RPP30: variants seen among roughly 807,000 people sequenced by gnomAD.
The protein encoded by RPP30 is ribonuclease P protein subunit p30.
In RPP30, 36 loss-of-function variants were observed where a neutral mutation model predicts 38.6. The observed-to-expected ratio is 0.93, with a 90% CI of 0.71 to 1.23. The LOEUF (loss-of-function observed/expected upper bound fraction) is 1.23, where lower values mean the gene tolerates loss of function less well. Among genes scored for constraint, RPP30 ranks in the 50% most tolerant of loss-of-function variants. The pLI, the probability that RPP30 is intolerant of heterozygous loss-of-function variation, is 0.00. For missense variants in RPP30, 321 were observed against 321.7 expected (o/e 1.00, Z 0.02); for synonymous variants, 126 against 112.7 (o/e 1.12, Z -0.75).
chr10:90,907,664 C>G (rs779814698), downstream of RPP30, among the ~76,000 whole-genome samples: 5 of 152,200 alleles, frequency 3.3e-5, no homozygotes, highest in Non-Finnish European at 5.9e-5. Flanking sequence ...TTCTCATATC[C>G]TTGCTGTATT....
intron 4 of RPP30, among the ~76,000 whole-genome samples, chr10:90,878,406 A>G (rs1175660172): frequency 6.6e-6 from 1 of 152,164 alleles, no homozygotes; most frequent in Non-Finnish European, 1.5e-5. Flanking sequence ...CAGAGATTGT[A>G]TGTTTGTGTA....
chr10:90,907,455 T>C (rs1018353849), downstream of RPP30, among the ~76,000 whole-genome samples: 6 of 152,276 alleles, frequency 3.9e-5, no homozygotes, highest in African/African-American at 1.2e-4. Context: ...TTCAAACCAT[T>C]CTCACAACTC....
downstream of RPP30, among the ~76,000 whole-genome samples, chr10:90,902,750 A>T (rs776013420): frequency 6.6e-6 from 1 of 152,206 alleles, no homozygotes; most frequent in Non-Finnish European, 1.5e-5. Context: ...ATTAAATGTG[A>T]TGGCTCCAAA....
At chr10:90,881,902 A>G (rs1477443855) in intron 5 of RPP30, among the ~76,000 whole-genome samples, 1 of 152,168 alleles carries the variant, frequency 6.6e-6, no homozygotes, top group Non-Finnish European at 1.5e-5. Flanking sequence ...TTATGTCAAT[A>G]GTAGTATAAA....
chr10:90,878,980 T>C, intron 4 of RPP30, 83 bp from the exon 5 acceptor site: 1 of 1,144,404 alleles, frequency 8.7e-7, no homozygotes, highest in South Asian at 1.3e-5. Context: ...ATGATTGAAA[T>C]ATAAGTGTGA....
intron 6 of RPP30, among the ~76,000 whole-genome samples, chr10:90,891,737 A>G (rs149553379): frequency 7.2e-5 from 11 of 152,374 alleles, no homozygotes; most frequent in African/African-American, 2.4e-4. Context: ...GAAAAATAGT[A>G]TCTCTTCGTA....
chr10:90,880,500 G>A lies in RPP30; in HGVS notation c.342+1366G>A, dbSNP rs781697965. ...CCTAGCACTTTGGGAGGCCGAGGCA[G>A]GTGGATCACTTGAGGTCAGGAGTTC... On this transcript the variant is annotated intron_variant, in intron 5 of 10. Transcript: ENST00000371703. 1.5e-4 allele frequency among the ~76,000 whole-genome samples: 23 copies of A among 152,146 alleles called. 1 individual carries two copies. The highest frequency in any genetic ancestry group is 2.6e-4 in the Non-Finnish European group (18 of 68,028).
At chr10:90,872,933 A>C (rs753002488) in intron 1 of RPP30, among the ~76,000 whole-genome samples, 1 of 152,200 alleles carries the variant, frequency 6.6e-6, no homozygotes, top group Non-Finnish European at 1.5e-5. Flanking sequence ...TCTCTGTGGT[A>C]CTTTGCTCAT....
chr10:90,876,471 G>C (rs1458205954), intron 4 of RPP30, among the ~76,000 whole-genome samples: 5 of 152,172 alleles, frequency 3.3e-5, no homozygotes. Flanking sequence ...CAAATGTAAG[G>C]AATGTTCCAA....
At chr10:90,890,218 C>G (rs1847060018) in intron 6 of RPP30, among the ~76,000 whole-genome samples, 1 of 152,174 alleles carries the variant, frequency 6.6e-6, no homozygotes, top group African/African-American at 2.4e-5. Flanking sequence ...CAGCAGAACT[C>G]TTTGTTAAGC....
rs531760764 is a variant in RPP30 at position 90,876,247 on chromosome 10, T to G, written c.270+149T>G. On this transcript the variant is annotated intron_variant, in intron 4 of 10. Transcript: ENST00000371703. ...TGCTTGCTCTCCTTGTCCTCAGAAT[T>G]CACACAGTGTAATATGTCTGTTCCA... The G allele has an allele frequency of 8.4e-6, 5 of 593,690 alleles. No individual in the cohort carries two copies. The Admixed American group carries it at 1.4e-4, about 17-fold the overall frequency. 36.8% of individuals were successfully genotyped at this position (593,690 alleles called of 1,614,324 possible).
chr10:90,889,575 C>T (rs891444368), intron 6 of RPP30, among the ~76,000 whole-genome samples: 2 of 151,942 alleles, frequency 1.3e-5, no homozygotes, highest in Admixed American at 1.3e-4. Context: ...GGCCAGGATA[C>T]TTTAAATTAA....
intron 6 of RPP30, among the ~76,000 whole-genome samples, chr10:90,886,143 G>A (rs1846997565): frequency 1.3e-5 from 2 of 152,012 alleles, no homozygotes; most frequent in Admixed American, 1.3e-4. Flanking sequence ...AATTTATAAA[G>A]GATATTTCTT....
chr10:90,875,666 G>A (rs377631821), intron 3 of RPP30, 52 bp downstream of exon 3: 58 of 1,464,104 alleles, frequency 4.0e-5, no homozygotes, highest in Middle Eastern at 1.7e-4. Flanking sequence ...CAGTTAAAAG[G>A]TACCTAATTA....
At chr10:90,889,105 G>A (rs1428337772) in intron 6 of RPP30, among the ~76,000 whole-genome samples, 2 of 152,110 alleles carry the variant, frequency 1.3e-5, no homozygotes, top group African/African-American at 4.8e-5. Flanking sequence ...AATAGTTGTG[G>A]CATAGGTATG....
rs1267291558 is a variant in RPP30, at chr10:90,885,664, A to T, written c.343-148A>T. The T allele has an allele frequency of 8.0e-6, 5 of 621,354 alleles. No homozygotes were observed. In the Admixed American group the frequency reaches 1.7e-4, roughly 21 times the overall value. 38.5% of individuals were successfully genotyped at this position (621,354 alleles called of 1,614,324 possible). On this transcript the variant is annotated intron_variant, in intron 5 of 10. Transcript: ENST00000371703. Reference sequence around the variant, plus strand: ...ACCTAAAAGAGTAGCAAAACAGTTGACTTTGTAAAAGGTCAGATGTATTTC... The same window carrying T: ...ACCTAAAAGAGTAGCAAAACAGTTGTCTTTGTAAAAGGTCAGATGTATTTC...
chr10:90,898,477 G>A (rs1453973828), intron 10 of RPP30, among the ~76,000 whole-genome samples: 1 of 152,150 alleles, frequency 6.6e-6, no homozygotes, highest in Non-Finnish European at 1.5e-5. Context: ...AAAGGATTCT[G>A]AGACAAGGAA....
At chr10:90,872,133 G>A (rs1332521192) in intron 1 of RPP30, 65 bp downstream of exon 1, 1 of 1,359,788 alleles carries the variant, frequency 7.4e-7, no homozygotes, top group Non-Finnish European at 1.1e-6. Context: ...CCACACTCCG[G>A]AGTAACTATT....
At chr10:90,875,898 A>G (rs1358732601) in intron 3 of RPP30, 126 bp from the exon 4 acceptor site, 2 of 640,712 alleles carry the variant, frequency 3.1e-6, no homozygotes, top group East Asian at 2.7e-5. Flanking sequence ...GAGAACAAGG[A>G]CTGGGTTTTA....
Sources: allele counts gnomAD v4.1 joint callset (sites outside exome capture counted in the v4.1 genomes callset), GRCh38; gene constraint gnomAD v4.1.1; transcripts MANE v1.5; gene names NCBI Gene and HGNC (gene_info 2026-07-23, HGNC 2026-07-21).